Variants in ZCCHC14 observed in about 807,000 individuals in gnomAD.
ZCCHC14 encodes the protein zinc finger CCHC domain-containing protein 14.
In ZCCHC14, 16 loss-of-function variants were observed where a neutral mutation model predicts 85.0. The observed-to-expected ratio is 0.19, with a 90% confidence interval of 0.13 to 0.29. The LOEUF (loss-of-function observed/expected upper bound fraction) is 0.29. Ranked by LOEUF, ZCCHC14 falls within the 10% of genes least tolerant of loss-of-function variation. The pLI is 1.00. For synonymous variants in ZCCHC14, 775 were observed against 630.7 expected (o/e 1.23, Z -3.43); for missense variants, 1,303 against 1,443.5 (o/e 0.90, Z 1.58).
At chr16:87,483,507 A>G (rs1201991614) in intron 1 of ZCCHC14, among the ~76,000 whole-genome samples, 3 of 151,944 alleles carry the variant, frequency 2.0e-5, no homozygotes, top group African/African-American at 7.3e-5. Context: ...AGTAAAAATT[A>G]AAAAAAGAAA....
Position 87,423,691 on chromosome 16 carries a change from G to A in ZCCHC14, c.840+119C>T, listed in dbSNP as rs769277199. 613 of 1,154,436 alleles carry A rather than the reference G, an allele frequency of 5.3e-4. 4 individuals carry two copies. Among genetic ancestry groups the A allele is most frequent in the Non-Finnish European group, 9.8e-5 (78 of 798,954 alleles). The allele number at this position is 1,154,436 out of a possible 1,614,324, so 71.5% of individuals were successfully genotyped here. On this transcript the variant is annotated intron_variant, in intron 4 of 12. Transcript: ENST00000671377. ...CCACTGTGGCTGGGCAGGAGGCCCC[G>A]CCCTGCGCACGCTCACTCGCTAGCT...
chr16:87,444,717 T>C (rs1910350311), intron 2 of ZCCHC14, among the ~76,000 whole-genome samples: 1 of 152,166 alleles, frequency 6.6e-6, no homozygotes, highest in South Asian at 2.1e-4. Flanking sequence ...TGGTTCATAA[T>C]CTTCTAAAGT....
chr16:87,456,516 G>A (rs1205469138), intron 2 of ZCCHC14, among the ~76,000 whole-genome samples: 1 of 103,488 alleles, frequency 9.7e-6, no homozygotes, highest in Non-Finnish European at 1.8e-5. Context: ...CTGGGCGACA[G>A]AGCAAGACTC....
intron 2 of ZCCHC14, among the ~76,000 whole-genome samples, chr16:87,444,039 A>G (rs1049368831): frequency 1.6e-4 from 10 of 61,680 alleles, no homozygotes; most frequent in Non-Finnish European, 5.3e-4. Flanking sequence ...TCTATCACAG[A>G]AAAAAAAAAA....
chr16:87,423,710 G>T (rs1029421534), intron 4 of ZCCHC14, 100 bp downstream of exon 4: 2 of 1,365,924 alleles, frequency 1.5e-6, no homozygotes, highest in Non-Finnish European at 2.1e-6. Flanking sequence ...ACGCTCACTC[G>T]CTAGCTGAAG....
intron 2 of ZCCHC14, among the ~76,000 whole-genome samples, chr16:87,455,954 G>C (rs1225428079): frequency 1.3e-5 from 2 of 152,168 alleles, no homozygotes; most frequent in Non-Finnish European, 2.9e-5. Context: ...ATGTGTAGCA[G>C]GTGTGGTGTA....
chr16:87,491,851 C>T lies in ZCCHC14; in HGVS notation c.388G>A (p.Asp130Asn). ...ATGGTGAACAGCAGCAGGAACTCAT[C>T]GCCCGTGCGGCCCTCGTTAAGCTGC... is the stretch of plus-strand genomic sequence containing the variant. ...GLQLNEGRTGDEFLLLFTMAS... is the reference protein window; with the variant it reads ...GLQLNEGRTGNEFLLLFTMAS... The change falls in exon 1 of 13, where the codon GAT becomes AAT. Residue 130 changes from aspartate (D) to asparagine (N), a missense_variant. Coordinates refer to ENST00000671377, the MANE Select transcript of ZCCHC14 (RefSeq NM_015144.3). This position sits in a 1 kb window ranked among gnomAD's most constrained non-coding sequence, Gnocchi z 5.9. 1 of 1,573,006 alleles carries T rather than the reference C, an allele frequency of 6.4e-7. No individual in the cohort carries two copies. Among genetic ancestry groups the T allele is most frequent in the Admixed American group, 1.9e-5 (1 of 52,302 alleles).
rs530267959 is a variant in ZCCHC14, at chr16:87,452,754, C to G, written c.694+7254G>C. Among the ~76,000 whole-genome samples the G allele has an allele frequency of 2.5e-4, 38 of 151,854 alleles. No individual in the cohort carries two copies. In the South Asian group the frequency reaches 5.6e-3, roughly 22 times the overall value. On this transcript the variant is annotated intron_variant, in intron 2 of 12. Coordinates refer to ENST00000671377, the MANE Select transcript of ZCCHC14 (RefSeq NM_015144.3). ...GGTAGTGAGCTCTGAAAGCACCTAC[C>G]CTGCTTGTCAGCTGAGGAGCCCCTG...
At chr16:87,432,087 A>G (rs1477572844) in intron 3 of ZCCHC14, among the ~76,000 whole-genome samples, 1 of 152,090 alleles carries the variant, frequency 6.6e-6, no homozygotes, top group Non-Finnish European at 1.5e-5. Context: ...GTGTAGCTAC[A>G]CTCTTCAAAA....
rs1357339937 is a variant in ZCCHC14 at position 87,433,108 on chromosome 16, A to G, written c.768+20T>C. ...TTCCTAGCCTTCCAGGAGAGAGGGG[A>G]AAAAAACTTAGCATCTTACCTCAAA... On this transcript the variant is annotated intron_variant, in intron 3 of 12. Transcript: ENST00000671377. The G allele has an allele frequency of 1.2e-6, 2 of 1,612,714 alleles. No homozygotes were observed. Among genetic ancestry groups the G allele is most frequent in the East Asian group, 2.2e-5 (1 of 44,878 alleles).
rs1908328569 is a variant in ZCCHC14, at chr16:87,409,203, G to A, written c.*1077C>T. On this transcript the variant is annotated 3_prime_UTR_variant, in exon 13 of 13. Transcript: ENST00000671377. Reference sequence around the variant, plus strand: ...CAGCCTAATACAAAAGAAGTTGACAGGAGAAAATTCCCAATCTTTTGCTGA... The same window carrying A: ...CAGCCTAATACAAAAGAAGTTGACAAGAGAAAATTCCCAATCTTTTGCTGA... 1 of 152,222 alleles carries A rather than the reference G, an allele frequency of 6.6e-6. No individual in the cohort carries two copies. Among genetic ancestry groups the A allele is most frequent in the East Asian group, 1.9e-4 (1 of 5,202 alleles). 9.4% of individuals were successfully genotyped at this position (152,222 alleles called of 1,614,324 possible).
Position 87,430,369 on chromosome 16 carries a change from T to C in ZCCHC14, c.768+2759A>G, listed in dbSNP as rs566931074. On this transcript the variant is annotated intron_variant, in intron 3 of 12. Coordinates refer to ENST00000671377, the MANE Select transcript of ZCCHC14 (RefSeq NM_015144.3). ...CTGTCTGGAGCCTCTTCTGTCCCAC[T>C]CATCTGTGCTGCCTTCCCTTTTGCT... is the stretch of plus-strand genomic sequence containing the variant. Among the ~76,000 whole-genome samples, 7 of 152,268 alleles carry C rather than the reference T, an allele frequency of 4.6e-5. No individual in the cohort carries two copies. In the East Asian group the frequency reaches 1.4e-3, roughly 29 times the overall value.
chr16:87,420,198 C>G lies in ZCCHC14; in HGVS notation c.951-321G>C, dbSNP rs951954272. On this transcript the variant is annotated intron_variant, in intron 5 of 12. Transcript: ENST00000671377. This position sits in a 1 kb window ranked among gnomAD's most constrained non-coding sequence, Gnocchi z 5.0. ...GGTCCCCAGGGCCCCGGCAGCAGCACATTTACGGAACTGGTCGGCCATGTT... is the reference window on the plus strand; with the variant it reads ...GGTCCCCAGGGCCCCGGCAGCAGCAGATTTACGGAACTGGTCGGCCATGTT... Among the ~76,000 whole-genome samples the G allele has an allele frequency of 6.6e-6, 1 of 152,232 alleles. No homozygotes were observed. Among genetic ancestry groups the G allele is most frequent in the Non-Finnish European group, 1.5e-5 (1 of 68,048 alleles).
At chr16:87,481,609 G>C (rs1303568602) in intron 1 of ZCCHC14, among the ~76,000 whole-genome samples, 1 of 138,890 alleles carries the variant, frequency 7.2e-6, no homozygotes, top group Non-Finnish European at 1.5e-5. Context: ...CAGGGGGAAA[G>C]AAAGGGAGAC....
chr16:87,450,782 C>G (rs534865251), intron 2 of ZCCHC14, among the ~76,000 whole-genome samples: 9 of 152,224 alleles, frequency 5.9e-5, no homozygotes, highest in African/African-American at 2.2e-4. Flanking sequence ...TGTGGAACTC[C>G]TGAGCTCAAG....
intron 12 of ZCCHC14, among the ~76,000 whole-genome samples, chr16:87,410,900 A>C (rs1908399552): frequency 6.6e-6 from 1 of 152,240 alleles, no homozygotes. Flanking sequence ...TGACTTTGGC[A>C]AGGTGGCACC....
Position 87,411,995 on chromosome 16 carries a change from G to C in ZCCHC14, c.2726C>G (p.Pro909Arg). 2 of 1,609,624 alleles carry C rather than the reference G, an allele frequency of 1.2e-6. No individual in the cohort carries two copies. The highest frequency in any genetic ancestry group is 1.7e-6 in the Non-Finnish European group (2 of 1,179,730). ...NHHHHHHHQQ[P>R]PAPPQPAPPP... ...TGGGGCGGGCTGCGGGGGTGCCGGG[G>C]GCTGCTGATGGTGGTGGTGGTGGTG... The change falls in exon 12 of 13, where the codon CCC becomes CGC. Residue 909 changes from proline to arginine, a missense_variant. By Grantham distance (103) the Pro-to-Arg change is moderately radical. Around this residue, in one of 7 missense-constraint regions of ZCCHC14, gnomAD observed 797 missense variants for 730.8 expected, o/e 1.09. Transcript: ENST00000671377.
chr16:87,427,656 G>C (rs576373266), intron 3 of ZCCHC14, among the ~76,000 whole-genome samples: 58 of 151,396 alleles, frequency 3.8e-4, no homozygotes, highest in African/African-American at 1.4e-3. Context: ...TTTCTTTTTT[G>C]AGACAAGGTC....
At chr16:87,452,801 G>C (rs892539850) in intron 2 of ZCCHC14, among the ~76,000 whole-genome samples, 1 of 152,208 alleles carries the variant, frequency 6.6e-6, no homozygotes, top group African/African-American at 2.4e-5. Context: ...CGTGACAGCA[G>C]TTTCAGGGAG....
Sources: gnomAD v4.1 joint callset for allele counts (sites outside exome capture counted in the v4.1 genomes callset) on GRCh38, gnomAD v4.1.1 for gene constraint, gnomAD v4.1.1 regional missense constraint, Gnocchi (gnomAD v3.1) non-coding constraint, MANE v1.5 for transcripts, NCBI Gene and HGNC (gene_info 2026-07-23, HGNC 2026-07-21) for gene names.